The following THSD4 variants were observed in gnomAD, a reference collection of about 807,000 sequenced individuals.
THSD4 encodes thrombospondin type 1 domain containing 4.
In THSD4, 69 loss-of-function variants were observed where a neutral mutation model predicts 119.0. That is an observed-to-expected ratio of 0.58 (90% CI 0.48 to 0.71). THSD4 has a LOEUF of 0.71. Ranked by LOEUF, THSD4 falls within the 30% of genes least tolerant of loss-of-function variation. The probability of loss-of-function intolerance (pLI) is 0.00; values close to 1 mark genes in which losing one functional copy is unlikely to be tolerated. For missense variants in THSD4, 1,393 were observed against 1,391.1 expected (o/e 1.00, Z -0.02); for synonymous variants, 524 against 540.4 (o/e 0.97, Z 0.42).
chr15:71,382,107 G>A (rs987958172), intron 6 of THSD4, among the ~76,000 whole-genome samples: 1 of 152,026 alleles, frequency 6.6e-6, no homozygotes, highest in Non-Finnish European at 1.5e-5. Context: ...GGTATTTTAA[G>A]GACAAATACA....
At chr15:71,732,189 T>C (rs1158218388) in intron 10 of THSD4, 1 of 152,248 alleles carries the variant, frequency 6.6e-6, no homozygotes, top group East Asian at 1.9e-4. Flanking sequence ...CTATGTAAGG[T>C]AGCATGTTCA....
intron 1 of THSD4, among the ~76,000 whole-genome samples, chr15:71,134,031 A>G (rs2040527403): frequency 6.6e-6 from 1 of 152,226 alleles, no homozygotes; most frequent in African/African-American, 2.4e-5. Context: ...CTCAAGGTTT[A>G]GTCCTAATCC....
chr15:71,321,222 C>T (rs2140360615), intron 6 of THSD4, among the ~76,000 whole-genome samples: 1 of 152,280 alleles, frequency 6.6e-6, no homozygotes, highest in East Asian at 1.9e-4. Context: ...TCTGCAGCTT[C>T]ATGTACTCCC....
At chr15:71,163,740 C>T (rs1019338786) in intron 3 of THSD4, among the ~76,000 whole-genome samples, 2 of 150,432 alleles carry the variant, frequency 1.3e-5, no homozygotes, top group Admixed American at 6.6e-5. Flanking sequence ...GTTTCCTGAG[C>T]AGTCCATATT....
At chr15:71,628,842 A>G (rs2050559067) in intron 7 of THSD4, among the ~76,000 whole-genome samples, 1 of 152,168 alleles carries the variant, frequency 6.6e-6, no homozygotes, top group South Asian at 2.1e-4. Flanking sequence ...TGTCCTGCTG[A>G]GGCACCAGCC....
At chr15:71,642,709 C>T (rs1188792958) in intron 7 of THSD4, among the ~76,000 whole-genome samples, 2 of 151,576 alleles carry the variant, frequency 1.3e-5, no homozygotes, top group Non-Finnish European at 2.9e-5. Flanking sequence ...AACAAAAAAC[C>T]AAACACCGCA....
intron 6 of THSD4, among the ~76,000 whole-genome samples, chr15:71,358,883 A>G (rs1329945539): frequency 6.6e-6 from 1 of 152,120 alleles, no homozygotes; most frequent in Non-Finnish European, 1.5e-5. Context: ...ATGTGAAGAC[A>G]CTCAGCTTAG....
chr15:71,395,596 C>T (rs988681181), intron 6 of THSD4, among the ~76,000 whole-genome samples: 1 of 152,038 alleles, frequency 6.6e-6, no homozygotes, highest in Non-Finnish European at 1.5e-5. Flanking sequence ...ACAAAATTAG[C>T]TGGGCATGAT....
intron 17 of THSD4, among the ~76,000 whole-genome samples, chr15:71,776,079 G>A (rs1321551274): frequency 6.6e-6 from 1 of 152,122 alleles, no homozygotes; most frequent in East Asian, 1.9e-4. Flanking sequence ...CCTAATTCCT[G>A]GTGGATTAGT....
intron 7 of THSD4, among the ~76,000 whole-genome samples, chr15:71,647,339 T>C (rs2050989890): frequency 6.6e-6 from 1 of 152,194 alleles, no homozygotes; most frequent in Admixed American, 6.5e-5. Flanking sequence ...GGCAGCCACC[T>C]GAATTACTGT....
At chr15:71,187,766 A>G (rs1356128668) in intron 3 of THSD4, among the ~76,000 whole-genome samples, 4 of 152,226 alleles carry the variant, frequency 2.6e-5, no homozygotes, top group Admixed American at 6.5e-5. Flanking sequence ...ACTCATTTCT[A>G]TTCATAACTG....
chr15:71,337,461 GAGCCAAACCCT>G (rs985652825), intron 6 of THSD4, among the ~76,000 whole-genome samples: 1 of 152,224 alleles, frequency 6.6e-6, no homozygotes, highest in African/African-American at 2.4e-5. Flanking sequence ...CTTGCCTTGT[GAGCCAAACCCT>G]AGCTTAACAA....
At chr15:71,221,504 A>G (rs1015123748) in intron 4 of THSD4, among the ~76,000 whole-genome samples, 5 of 151,644 alleles carry the variant, frequency 3.3e-5, no homozygotes, top group African/African-American at 4.9e-5. Flanking sequence ...GATTTTGACT[A>G]CTCTTAAGTA....
intron 4 of THSD4, among the ~76,000 whole-genome samples, chr15:71,240,162 G>A (rs2044139843): frequency 6.6e-6 from 1 of 152,142 alleles, no homozygotes; most frequent in African/African-American, 2.4e-5. Context: ...AGGCCTTTGG[G>A]AAGATGTTTA....
At chr15:71,230,017 T>C (rs755960335) in intron 4 of THSD4, among the ~76,000 whole-genome samples, 1 of 152,182 alleles carries the variant, frequency 6.6e-6, no homozygotes, top group Non-Finnish European at 1.5e-5. Context: ...GTTATAATCA[T>C]TATTGCTGTA....
intron 8 of THSD4, among the ~76,000 whole-genome samples, chr15:71,711,782 A>G (rs2052521638): frequency 1.3e-5 from 2 of 152,180 alleles, no homozygotes; most frequent in Non-Finnish European, 2.9e-5. Flanking sequence ...TAGACTTCAA[A>G]ACAAGGAAAC....
intron 4 of THSD4, among the ~76,000 whole-genome samples, chr15:71,227,327 A>T (rs192270223): frequency 6.6e-6 from 1 of 152,228 alleles, no homozygotes; most frequent in Non-Finnish European, 1.5e-5. Flanking sequence ...GAAAGATGCG[A>T]TGGGCTATGG....
At chr15:71,410,563 G>T (rs935302518) in intron 6 of THSD4, among the ~76,000 whole-genome samples, 3 of 152,178 alleles carry the variant, frequency 2.0e-5, no homozygotes, top group African/African-American at 7.2e-5. Flanking sequence ...AGGCTATAAA[G>T]GTAGGCGAGG....
chr15:71,397,034 A>G (rs920970416), intron 6 of THSD4, among the ~76,000 whole-genome samples: 8 of 152,316 alleles, frequency 5.3e-5, no homozygotes, highest in Non-Finnish European at 1.0e-4. Flanking sequence ...GGCACTTCCC[A>G]GGACTCTAGA....
Sources: gnomAD v4.1 joint callset for allele counts (sites outside exome capture counted in the v4.1 genomes callset) on GRCh38, gnomAD v4.1.1 for gene constraint, MANE v1.5 for transcripts, NCBI Gene and HGNC (gene_info 2026-07-23, HGNC 2026-07-21) for gene names.